Variants in PRKG1 observed in about 807,000 individuals in gnomAD.
PRKG1 encodes cGMP-dependent protein kinase 1.
Under a neutral mutation model 88.1 loss-of-function variants are expected in PRKG1, and 35 were observed. The observed-to-expected ratio is 0.40, with a 90% confidence interval of 0.30 to 0.53. The LOEUF (loss-of-function observed/expected upper bound fraction) is 0.53. Ranked by LOEUF, PRKG1 falls within the 20% of genes least tolerant of loss-of-function variation. PRKG1 has a pLI of 0.59. For synonymous variants in PRKG1, 303 were observed against 292.5 expected (o/e 1.04, Z -0.37); for missense variants, 540 against 839.8 (o/e 0.64, Z 4.41).
intron 2 of PRKG1, among the ~76,000 whole-genome samples, chr10:51,463,495 G>GA (rs1319165929): frequency 2.6e-5 from 4 of 151,870 alleles, no homozygotes; most frequent in African/African-American, 7.2e-5. Context: ...TGAAAAAGAA[G>GA]AAAAAAAGAC....
chr10:52,250,790 A>G (rs1360454732), intron 9 of PRKG1, among the ~76,000 whole-genome samples: 2 of 152,060 alleles, frequency 1.3e-5, no homozygotes, highest in Non-Finnish European at 2.9e-5. Flanking sequence ...TCATCAGGAG[A>G]AGCTTATTTT....
chr10:51,922,893 A>C (rs1328775574), intron 5 of PRKG1, among the ~76,000 whole-genome samples: 1 of 152,068 alleles, frequency 6.6e-6, no homozygotes, highest in Non-Finnish European at 1.5e-5. Flanking sequence ...ATATTCTAAA[A>C]ATGTCAATTA....
chr10:51,172,660 C>G (rs61849736), intron 2 of PRKG1, among the ~76,000 whole-genome samples: 1,080 of 49,390 alleles, frequency 0.022, 18 homozygotes, highest in African/African-American at 0.071. Flanking sequence ...ATCTATCTAT[C>G]TATCTATCTA....
chr10:51,997,643 C>T (rs1436842810), intron 5 of PRKG1, among the ~76,000 whole-genome samples: 1 of 152,030 alleles, frequency 6.6e-6, no homozygotes, highest in Non-Finnish European at 1.5e-5. Flanking sequence ...TAGGTTTATT[C>T]ATTCTACAAT....
intron 9 of PRKG1, among the ~76,000 whole-genome samples, chr10:52,220,377 T>A (rs1211811898): frequency 6.6e-6 from 1 of 152,064 alleles, no homozygotes; most frequent in East Asian, 1.9e-4. Context: ...CAGCTTCAAT[T>A]CTAGTCAGGC....
At chr10:51,154,886 G>A (rs1846168280) in intron 2 of PRKG1, among the ~76,000 whole-genome samples, 1 of 151,944 alleles carries the variant, frequency 6.6e-6, no homozygotes, top group Non-Finnish European at 1.5e-5. Context: ...GAGCAGAAAG[G>A]ATGGAAAAGT....
At chr10:51,023,108 C>G (rs1000087324) in intron 1 of PRKG1, among the ~76,000 whole-genome samples, 1 of 152,176 alleles carries the variant, frequency 6.6e-6, no homozygotes, top group Non-Finnish European at 1.5e-5. Flanking sequence ...GAGAAAGTAC[C>G]TGGATTCTAA....
At chr10:51,280,879 T>G (rs1840275843) in intron 2 of PRKG1, among the ~76,000 whole-genome samples, 1 of 152,270 alleles carries the variant, frequency 6.6e-6, no homozygotes, top group East Asian at 1.9e-4. Flanking sequence ...AAAGTCATTC[T>G]CCATCCAGCA....
chr10:51,927,303 C>T (rs1842599458), intron 5 of PRKG1, among the ~76,000 whole-genome samples: 1 of 152,154 alleles, frequency 6.6e-6, no homozygotes, highest in African/African-American at 2.4e-5. Flanking sequence ...TTGCTTGACT[C>T]TCATTCTCTC....
rs569299918 is a variant in PRKG1, at chr10:51,571,269, A to G, written c.592+103433A>G. Among the ~76,000 whole-genome samples the G allele has an allele frequency of 5.3e-5, 8 of 152,086 alleles. No homozygotes were observed. In the South Asian group the frequency reaches 1.7e-3, roughly 32 times the overall value. On this transcript the variant is annotated intron_variant, in intron 3 of 17. Transcript: ENST00000373980. ...ATTATTATAATTCTCATTTTTAAAA[A>G]GTAGTTTATTGAAAACAACACTGAA... is the stretch of plus-strand genomic sequence containing the variant.
At chr10:51,629,700 T>A (rs1213018501) in intron 3 of PRKG1, among the ~76,000 whole-genome samples, 1 of 152,188 alleles carries the variant, frequency 6.6e-6, no homozygotes, top group African/African-American at 2.4e-5. Context: ...CATTTGTGAT[T>A]TCAAGCAATT....
intron 2 of PRKG1, among the ~76,000 whole-genome samples, chr10:51,224,112 T>C (rs1211158917): frequency 6.6e-6 from 1 of 152,228 alleles, no homozygotes; most frequent in African/African-American, 2.4e-5. Context: ...AGACAGAAGA[T>C]AAACTGTATT....
At chr10:51,518,126 T>C (rs182671205) in intron 3 of PRKG1, among the ~76,000 whole-genome samples, 1 of 152,224 alleles carries the variant, frequency 6.6e-6, no homozygotes, top group Non-Finnish European at 1.5e-5. Context: ...GCCTCCCGAG[T>C]AGCTGGGATT....
intron 5 of PRKG1, among the ~76,000 whole-genome samples, chr10:51,976,635 G>T (rs1187247954): frequency 6.6e-6 from 1 of 151,938 alleles, no homozygotes; most frequent in Non-Finnish European, 1.5e-5. Context: ...ACTGCTAATT[G>T]TCACATGTTT....
intron 5 of PRKG1, among the ~76,000 whole-genome samples, chr10:51,917,427 A>T (rs1842367489): frequency 6.6e-6 from 1 of 152,074 alleles, no homozygotes; most frequent in East Asian, 1.9e-4. Context: ...AAAACCATTG[A>T]ATTTATTCTT....
At chr10:51,995,335 A>G (rs1343794882) in intron 5 of PRKG1, among the ~76,000 whole-genome samples, 1 of 152,188 alleles carries the variant, frequency 6.6e-6, no homozygotes, top group Non-Finnish European at 1.5e-5. Flanking sequence ...ATGCAGTTAC[A>G]TTGACCTTAA....
intron 1 of PRKG1, among the ~76,000 whole-genome samples, chr10:51,027,728 A>G (rs1243099514): frequency 5.3e-5 from 8 of 152,146 alleles, no homozygotes; most frequent in South Asian, 2.1e-4. Flanking sequence ...TAGTACTGCA[A>G]CTTTCAGAGA....
chr10:51,696,403 A>G (rs1643907144), intron 3 of PRKG1: 1 of 152,132 alleles, frequency 6.6e-6, no homozygotes, highest in African/African-American at 2.4e-5. Context: ...CATCCAGATC[A>G]ACTAGTCCCT....
intron 9 of PRKG1, among the ~76,000 whole-genome samples, chr10:52,173,014 G>A (rs1012850400): frequency 1.3e-5 from 2 of 152,122 alleles, no homozygotes; most frequent in Admixed American, 6.6e-5. Context: ...CATTAACAAG[G>A]CATTCTTTTG....
Sources: allele counts gnomAD v4.1 joint callset (sites outside exome capture counted in the v4.1 genomes callset), GRCh38; gene constraint gnomAD v4.1.1; transcripts MANE v1.5; gene names NCBI Gene and HGNC (gene_info 2026-07-23, HGNC 2026-07-21).